Variants in PKD1L1 observed in about 807,000 individuals in gnomAD.
The protein encoded by PKD1L1 is polycystin-1-like protein 1.
A neutral mutation model predicts 323.4 loss-of-function variants in PKD1L1; 236 were observed. The observed-to-expected ratio is 0.73, with a 90% confidence interval of 0.66 to 0.81. PKD1L1 has a LOEUF of 0.81. Ranked by LOEUF, PKD1L1 falls within the 40% of genes least tolerant of loss-of-function variation. The pLI is 0.00. For synonymous variants in PKD1L1, 1,344 were observed against 1,335.0 expected (o/e 1.01, Z -0.15); for missense variants, 3,320 against 3,508.0 (o/e 0.95, Z 1.35).
In PKD1L1 at chr7:47,845,845, A is replaced by G. The variant is rs527422530; in HGVS notation, c.5154-767T>C. On this transcript the variant is annotated intron_variant, in intron 32 of 56. Coordinates refer to ENST00000289672, the MANE Select transcript of PKD1L1 (RefSeq NM_138295.5). ...ATCCACCTGTCTCAGCCTCCCAAAG[A>G]GCTGAGATTACAGGCATGAGCCACC... Among the ~76,000 whole-genome samples, 39 of 152,216 alleles carry G rather than the reference A, an allele frequency of 2.6e-4. No individual in the cohort carries two copies. In the Middle Eastern group the frequency reaches 0.017, roughly 66 times the overall value.
chr7:47,811,682 G>T, intron 50 of PKD1L1, 135 bp downstream of exon 50: 1 of 687,678 alleles, frequency 1.5e-6, no homozygotes, highest in Non-Finnish European at 2.5e-6. Flanking sequence ...GCAAGAAGGG[G>T]ATGTGACAAA....
chr7:47,930,960 G>T, intron 6 of PKD1L1, 144 bp downstream of exon 6: 1 of 877,786 alleles, frequency 1.1e-6, no homozygotes, highest in Non-Finnish European at 1.7e-6. Flanking sequence ...CTACAGCATT[G>T]TAACTTGAAA....
At position 47,876,312 on chromosome 7, in the gene PKD1L1, C is replaced by G. The variant is rs1786402511; in HGVS notation, c.3664-95G>C. The G allele has an allele frequency of 2.1e-6, 3 of 1,400,514 alleles. No individual in the cohort carries two copies. In the Admixed American group the frequency reaches 5.5e-5, roughly 26 times the overall value. The allele number at this position is 1,400,514 out of a possible 1,614,324, so 86.8% of individuals were successfully genotyped here. On this transcript the variant is annotated intron_variant, in intron 22 of 56. Transcript: ENST00000289672. ...ACACACAGCTGAGCCTTCATTGTAC[C>G]AAGGACATTCTTTACAGCCAGGAAG...
At chr7:47,788,603 A>T (rs1298515273) in intron 56 of PKD1L1, among the ~76,000 whole-genome samples, 5 of 136,902 alleles carry the variant, frequency 3.7e-5, no homozygotes, top group Non-Finnish European at 6.2e-5. Context: ...TTTAATTTTA[A>T]TTTTTTTTTT....
In PKD1L1 at chr7:47,836,951, A is replaced by C. The variant is rs1174344021; in HGVS notation, c.5913T>G (p.Thr1971=). 1 of 1,614,160 alleles carries C rather than the reference A, an allele frequency of 6.2e-7. No individual in the cohort carries two copies. Among genetic ancestry groups the C allele is most frequent in the Non-Finnish European group, 8.5e-7 (1 of 1,180,026 alleles). The part of the protein sequence containing the change: ...FSLLCVYACL[T]ALVAAGGQEQ... ...CTTGCCCTCCAGCAGCAACCAGGGC[A>C]GTGAGACACGCGTAGACGCACAGCA... The change falls in exon 37 of 57, where the codon ACT becomes ACG. Residue 1971 remains threonine, a synonymous_variant. Transcript: ENST00000289672.
intron 7 of PKD1L1, among the ~76,000 whole-genome samples, chr7:47,926,336 A>G (rs944427910): frequency 6.6e-6 from 1 of 152,332 alleles, no homozygotes. Context: ...AAATCTTTGT[A>G]TCTACCTATG....
chr7:47,904,037 C>T (rs1347390055), intron 12 of PKD1L1, among the ~76,000 whole-genome samples: 2 of 152,186 alleles, frequency 1.3e-5, no homozygotes, highest in African/African-American at 4.8e-5. Flanking sequence ...TCACTTAGCA[C>T]CTTTGCCCAG....
At chr7:47,954,337 T>A in the PKD1L1 span, among the ~76,000 whole-genome samples, 6 of 152,172 alleles carry the variant, frequency 3.9e-5, no homozygotes, top group Admixed American at 3.9e-4. Context: ...AATTCATAAG[T>A]TAGAAGCTTG....
chr7:47,915,566 T>G lies in PKD1L1; in HGVS notation c.1094A>C (p.Asp365Ala), dbSNP rs767709684. 9.6e-5 allele frequency: 149 copies of G among 1,551,638 alleles called. No homozygotes were observed. Among genetic ancestry groups the G allele is most frequent in the Non-Finnish European group, 1.3e-4 (142 of 1,130,916 alleles). The change falls in exon 8 of 57, where the codon GAT (aspartate) becomes GCT (alanine). Residue 365 changes from aspartate to alanine, a missense_variant. Coordinates refer to ENST00000289672, the MANE Select transcript of PKD1L1 (RefSeq NM_138295.5). ...CTCTGCTTCTTTGTAGGTGGACATA[T>G]CCAACTGAAAATGTAAAAGATGAAA... ...IFFHLLHFQL[D>A]MSTYKEAETQ... is the part of the protein sequence containing the mutation.
intron 16 of PKD1L1, among the ~76,000 whole-genome samples, chr7:47,889,699 A>C (rs74835684): frequency 0.053 from 8,007 of 152,224 alleles, 541 homozygotes; most frequent in African/African-American, 0.16. Flanking sequence ...GGACCATAGT[A>C]ACTGCCCAGC....
At chr7:47,788,131 A>ATTT (rs1786853977) in intron 56 of PKD1L1, among the ~76,000 whole-genome samples, 4 of 151,456 alleles carry the variant, frequency 2.6e-5, no homozygotes, top group Admixed American at 2.0e-4. Flanking sequence ...ATTTTTTTTA[A>ATTT]AAATATCGAT....
intron 55 of PKD1L1, among the ~76,000 whole-genome samples, chr7:47,793,509 C>A (rs1281070315): frequency 1.3e-5 from 2 of 152,158 alleles, no homozygotes; most frequent in Non-Finnish European, 2.9e-5. Flanking sequence ...GTAAGATGTG[C>A]CTTTCACCTC....
chr7:47,792,345 C>T (rs1311750742), intron 56 of PKD1L1, among the ~76,000 whole-genome samples: 1 of 151,842 alleles, frequency 6.6e-6, no homozygotes, highest in Non-Finnish European at 1.5e-5. Flanking sequence ...GATCGAGTTT[C>T]CATTTCTGTT....
At chr7:47,930,515 T>A (rs1389833438) in intron 6 of PKD1L1, among the ~76,000 whole-genome samples, 227 of 129,100 alleles carry the variant, frequency 1.8e-3, no homozygotes, top group African/African-American at 6.3e-3. Context: ...GAAAAAAAAA[T>A]AAAATAAAAT....
chr7:47,785,534 C>T (rs1317380765), intron 56 of PKD1L1, among the ~76,000 whole-genome samples: 1 of 152,108 alleles, frequency 6.6e-6, no homozygotes, highest in Non-Finnish European at 1.5e-5. Flanking sequence ...GGGAGAGGCT[C>T]TACTACTGTC....
At chr7:47,834,144 G>T (rs1461796037) in intron 40 of PKD1L1, among the ~76,000 whole-genome samples, 195 bp downstream of exon 40, 1 of 242 alleles carries the variant, frequency 4.1e-3, no homozygotes, top group Non-Finnish European at 9.8e-3. Context: ...TGTGTCCTGG[G>T]AAACGGGACC....
chr7:47,917,932 C>T (rs529279352), intron 7 of PKD1L1, among the ~76,000 whole-genome samples: 78 of 152,098 alleles, frequency 5.1e-4, no homozygotes, highest in African/African-American at 1.8e-3. Context: ...AAACCAATAA[C>T]TAAAGTATAC....
chr7:47,775,720 TAAAAAG>T (rs1254698302), intron 56 of PKD1L1, among the ~76,000 whole-genome samples: 2 of 143,980 alleles, frequency 1.4e-5, no homozygotes, highest in Non-Finnish European at 3.1e-5. Context: ...TGAAAGACTA[TAAAAAG>T]AAAAACAACT....
At position 47,827,398 on chromosome 7, in the gene PKD1L1, C is replaced by T; in HGVS notation, c.6806G>A (p.Gly2269Asp). The change falls in exon 45 of 57, where the codon GGC (glycine) becomes GAC (aspartate). Residue 2269 changes from glycine to aspartate, a missense_variant. Gly to Asp is a moderately conservative substitution (Grantham distance 94). Coordinates refer to ENST00000289672, the MANE Select transcript of PKD1L1 (RefSeq NM_138295.5). ...CTCTCTCCTCATCCTCTGTCTGGTG[C>T]CCCTCAGCTGGGCCTTGGATGGTGG... Reference protein sequence around the residue: ...AHPPSKAQLRGTRQRMRRESR... With the variant: ...AHPPSKAQLRDTRQRMRRESR... The T allele has an allele frequency of 6.2e-7, 1 of 1,613,328 alleles. No homozygotes were observed. Among genetic ancestry groups the T allele is most frequent in the Non-Finnish European group, 8.5e-7 (1 of 1,179,788 alleles).
Sources: allele counts gnomAD v4.1 joint callset (sites outside exome capture counted in the v4.1 genomes callset), GRCh38; gene constraint gnomAD v4.1.1; transcripts MANE v1.5; gene names NCBI Gene and HGNC (gene_info 2026-07-23, HGNC 2026-07-21).